The following DMD variants were observed in gnomAD, a reference collection of about 807,000 sequenced individuals.
The protein encoded by DMD is dystrophin, also known as mutant dystrophin.
DMD carries 63 observed loss-of-function variants against 330.1 expected under a neutral mutation model. That is an observed-to-expected ratio of 0.19 (90% CI 0.16 to 0.24). The LOEUF (loss-of-function observed/expected upper bound fraction) is 0.24. DMD is among the 10% of genes least tolerant of loss of function. The probability of loss-of-function intolerance (pLI) is 1.00; values close to 1 mark genes in which losing one functional copy is unlikely to be tolerated. For missense variants in DMD, 3,344 were observed against 2,684.1 expected (o/e 1.25, Z -5.43); for synonymous variants, 1,223 against 959.8 (o/e 1.27, Z -5.07).
chrX:31,948,644 G>A (rs1057112234), intron 45 of DMD, among the ~76,000 whole-genome samples: 2 of 111,107 alleles, frequency 1.8e-5, no homozygotes, highest in Non-Finnish European at 3.8e-5. Flanking sequence ...TAGTGATGCT[G>A]AGCACCTTTT....
chrX:32,048,507 T>C (rs1213831817), intron 44 of DMD, among the ~76,000 whole-genome samples: 3 of 110,011 alleles, frequency 2.7e-5, no homozygotes, highest in Middle Eastern at 4.7e-3. Context: ...TAGTAGCATG[T>C]TTCATTCCTT....
intron 7 of DMD, among the ~76,000 whole-genome samples, chrX:32,732,137 C>T (rs1023979785): frequency 3.6e-4 from 40 of 111,160 alleles, no homozygotes; most frequent in Non-Finnish European, 6.6e-4. Context: ...GGAGCCGATG[C>T]GATCAACTGG....
chrX:32,427,964 C>G (rs1281152295), intron 29 of DMD, among the ~76,000 whole-genome samples: 2 of 110,827 alleles, frequency 1.8e-5, no homozygotes, highest in African/African-American at 3.3e-5. Flanking sequence ...CATTTTCATC[C>G]TTAAGATTTT....
At chrX:31,477,370 G>A (rs1363284344) in intron 59 of DMD, among the ~76,000 whole-genome samples, 4 of 111,981 alleles carry the variant, frequency 3.6e-5, no homozygotes, top group African/African-American at 1.3e-4. Context: ...TGGCAAACAT[G>A]CTGAGTGCAT....
intron 60 of DMD, among the ~76,000 whole-genome samples, chrX:31,396,889 A>G (rs2060972681): frequency 9.0e-6 from 1 of 111,699 alleles, no homozygotes. Flanking sequence ...AGGCATTTTG[A>G]GAGTTTTGGA....
At chrX:32,066,905 A>G (rs2096263682) in intron 44 of DMD, among the ~76,000 whole-genome samples, 1 of 111,545 alleles carries the variant, frequency 9.0e-6, no homozygotes, top group South Asian at 3.7e-4. Context: ...TGAGAGAAGG[A>G]AGTTCCTAAA....
At chrX:32,309,155 T>C (rs1186300171) in intron 42 of DMD, among the ~76,000 whole-genome samples, 4 of 111,524 alleles carry the variant, frequency 3.6e-5, no homozygotes, top group African/African-American at 1.3e-4. Context: ...CTGAAGATAC[T>C]GCAACACCGA....
At position 31,173,548 on chromosome X, in the gene DMD, T is replaced by C. The variant is rs1243654997; in HGVS notation, c.10319A>G (p.Tyr3440Cys). Residue 3440 changes from tyrosine (Y) to cysteine (C), a missense_variant, in exon 72 of 79, where the codon TAT becomes TGT. Tyr to Cys is a radical substitution (Grantham distance 194). Coordinates refer to ENST00000357033, the MANE Select transcript of DMD (RefSeq NM_004006.3). ...HDDTHSRIEH[Y>C]ASRLAEMENS... ...ACAACTAGTCTCATACCTGCTAGCATAATGTTCAATGCGTGAATGAGTATC... is the reference window on the plus strand; with the variant it reads ...ACAACTAGTCTCATACCTGCTAGCACAATGTTCAATGCGTGAATGAGTATC... 1.7e-6 allele frequency: 2 copies of C among 1,209,923 alleles called. No individual in the cohort carries two copies. Among genetic ancestry groups the C allele is most frequent in the East Asian group, 5.9e-5 (2 of 33,828 alleles).
At chrX:31,338,507 AG>A (rs2148414508) in intron 61 of DMD, among the ~76,000 whole-genome samples, 1 of 109,320 alleles carries the variant, frequency 9.1e-6, no homozygotes, top group East Asian at 2.9e-4. Flanking sequence ...ATCTCAAAGT[AG>A]GGACAATTTG....
chrX:31,568,224 TA>T (rs1180423322), intron 55 of DMD, among the ~76,000 whole-genome samples: 2 of 111,401 alleles, frequency 1.8e-5, no homozygotes, highest in Non-Finnish European at 3.8e-5. Flanking sequence ...ATGAGAGCTT[TA>T]AAGTAATGTG....
chrX:31,253,213 G>A (rs2049584503), intron 63 of DMD, among the ~76,000 whole-genome samples: 1 of 111,799 alleles, frequency 8.9e-6, no homozygotes, highest in African/African-American at 3.2e-5. Flanking sequence ...GGACTTGCCC[G>A]AGGTCACACC....
intron 17 of DMD, among the ~76,000 whole-genome samples, chrX:32,529,254 T>C (rs575624768): frequency 6.4e-5 from 7 of 108,736 alleles, no homozygotes; most frequent in African/African-American, 2.0e-4. Flanking sequence ...ATGTACTTGA[T>C]TGATGTCTCA....
chrX:31,416,020 G>A (rs1362958703), intron 60 of DMD, among the ~76,000 whole-genome samples: 1 of 112,034 alleles, frequency 8.9e-6, no homozygotes, highest in African/African-American at 3.2e-5. Flanking sequence ...GACCTGTAAT[G>A]GAATTTAAGT....
At chrX:31,685,187 C>T (rs1042758290) in intron 52 of DMD, among the ~76,000 whole-genome samples, 1 of 110,532 alleles carries the variant, frequency 9.0e-6, no homozygotes, top group African/African-American at 3.3e-5. Flanking sequence ...ATTCTGTGAG[C>T]CTTATGGGTA....
chrX:32,092,507 T>C (rs1019505225), intron 44 of DMD, among the ~76,000 whole-genome samples: 1 of 111,449 alleles, frequency 9.0e-6, no homozygotes, highest in African/African-American at 3.3e-5. Context: ...TATTTCTATT[T>C]TAAATAGTGC....
At chrX:32,665,993 C>T (rs1354795588) in intron 9 of DMD, among the ~76,000 whole-genome samples, 2 of 110,929 alleles carry the variant, frequency 1.8e-5, no homozygotes, top group Non-Finnish European at 3.8e-5. Flanking sequence ...ATAGTCAGAA[C>T]CTGACTGCTG....
chrX:31,939,129 G>A (rs372977614), intron 45 of DMD, among the ~76,000 whole-genome samples: 1 of 111,763 alleles, frequency 8.9e-6, no homozygotes, highest in Non-Finnish European at 1.9e-5. Context: ...GACCCTTCCC[G>A]AGGGAAAACC....
chrX:31,717,282 T>G (rs768262743), intron 52 of DMD, among the ~76,000 whole-genome samples: 1 of 111,617 alleles, frequency 9.0e-6, no homozygotes, highest in East Asian at 2.8e-4. Context: ...TATTCTGGAG[T>G]TCCCTGGAAC....
At chrX:32,944,662 T>G (rs1206321558) in intron 2 of DMD, among the ~76,000 whole-genome samples, 2 of 108,167 alleles carry the variant, frequency 1.8e-5, no homozygotes, top group African/African-American at 6.8e-5. Flanking sequence ...TGGAGTGCAG[T>G]GGCGAAATCT....
Sources: allele counts gnomAD v4.1 joint callset (sites outside exome capture counted in the v4.1 genomes callset), GRCh38; gene constraint gnomAD v4.1.1; transcripts MANE v1.5; gene names NCBI Gene and HGNC (gene_info 2026-07-23, HGNC 2026-07-21).